The following MYPN variants were observed in gnomAD, a reference collection of about 807,000 sequenced individuals.
MYPN encodes myopalladin.
Under a neutral mutation model 129.4 loss-of-function variants are expected in MYPN, and 63 were observed. The ratio of observed to expected loss-of-function variants is 0.49; its 90% CI spans 0.40 to 0.60. The LOEUF (loss-of-function observed/expected upper bound fraction) is 0.60, where lower values mean the gene tolerates loss of function less well. Among genes scored for constraint, MYPN ranks in the 20% least tolerant of loss-of-function variants. The probability of loss-of-function intolerance (pLI) is 0.00; values close to 1 mark genes in which losing one functional copy is unlikely to be tolerated. For synonymous variants in MYPN, 629 were observed against 600.9 expected (o/e 1.05, Z -0.68); for missense variants, 1,596 against 1,635.4 (o/e 0.98, Z 0.42).
chr10:68,114,223 C>A (rs1028523074), intron 1 of MYPN: 1 of 152,088 alleles, frequency 6.6e-6, no homozygotes, highest in African/African-American at 2.4e-5. Flanking sequence ...CCATGTATTT[C>A]CAACAACAGG....
intron 12 of MYPN, among the ~76,000 whole-genome samples, chr10:68,182,888 AT>A (rs978244589): frequency 2.0e-5 from 3 of 152,152 alleles, no homozygotes; most frequent in African/African-American, 7.2e-5. Flanking sequence ...AAGATAATAA[AT>A]TTATAGCCAA....
At chr10:68,103,004 A>G (rs2041989306), upstream of MYPN, among the ~76,000 whole-genome samples, 1 of 152,236 alleles carries the variant, frequency 6.6e-6, no homozygotes, top group Non-Finnish European at 1.5e-5. Flanking sequence ...TGAACCATGA[A>G]TCTTTGTTTG....
intron 9 of MYPN, among the ~76,000 whole-genome samples, chr10:68,166,025 G>A (rs1167473762): frequency 2.6e-5 from 4 of 152,120 alleles, no homozygotes; most frequent in Non-Finnish European, 5.9e-5. Flanking sequence ...TTAACCTGCT[G>A]TCATCACTAT....
chr10:68,177,701 C>A (rs1005957176), intron 12 of MYPN, among the ~76,000 whole-genome samples: 3 of 152,124 alleles, frequency 2.0e-5, no homozygotes, highest in African/African-American at 4.8e-5. Flanking sequence ...TATGAAGAGA[C>A]CCCTGTGTAT....
rs115935274 is a variant in MYPN at position 68,152,392 on chromosome 10, G to A, written c.1317+2281G>A. 8.4e-3 allele frequency among the ~76,000 whole-genome samples: 1,277 copies of A among 152,078 alleles called. 20 individuals are homozygous for A. The highest frequency in any genetic ancestry group is 0.029 in the African/African-American group (1,218 of 41,482). On this transcript the variant is annotated intron_variant, in intron 6 of 19. Coordinates refer to ENST00000358913, the MANE Select transcript of MYPN (RefSeq NM_032578.4). Reference sequence around the variant, plus strand: ...AGGAGGGGTCCATTCAGATGGTAGGGGGCAGGCAGGGGAGGGTGCAGAGCG... The same window carrying A: ...AGGAGGGGTCCATTCAGATGGTAGGAGGCAGGCAGGGGAGGGTGCAGAGCG...
chr10:68,118,922 G>GAAGGAAGGAAGGAAGC (rs2042198963), intron 1 of MYPN, among the ~76,000 whole-genome samples: 1 of 142,090 alleles, frequency 7.0e-6, no homozygotes, highest in Admixed American at 7.0e-5. Context: ...AGGAAGGAAG[G>GAAGGAAGGAAGGAAGC]AAGGAAATTT....
At position 68,122,196 on chromosome 10, in the gene MYPN, G is replaced by T. The variant is rs760197836; in HGVS notation, c.758G>T (p.Gly253Val). The T allele has an allele frequency of 6.2e-7, 1 of 1,608,992 alleles. No individual in the cohort carries two copies. Among genetic ancestry groups the T allele is most frequent in the African/African-American group, 1.3e-5 (1 of 74,686 alleles). Residue 253 changes from glycine to valine, a missense_variant, in exon 2 of 20, where the codon GGG becomes GTG. Gly to Val is a moderately radical substitution (Grantham distance 109, BLOSUM62 -3). Coordinates refer to ENST00000358913, the MANE Select transcript of MYPN (RefSeq NM_032578.4). ...SEAAGGDTTPGSSPSSLYYEE... is the reference protein window; with the variant it reads ...SEAAGGDTTPVSSPSSLYYEE... ...GCGGCTGGTGGAGACACTACACCAG[G>T]GTCTTCCCCTTCATCTCTGTACTAT... is the stretch of plus-strand genomic sequence containing the variant.
chr10:68,210,226 C>T, intron 19 of MYPN, 60 bp from the exon 20 acceptor site: 1 of 1,583,298 alleles, frequency 6.3e-7, no homozygotes, highest in Non-Finnish European at 8.7e-7. Context: ...TGCACCTCTG[C>T]AGCGTACATG....
intron 1 of MYPN, among the ~76,000 whole-genome samples, chr10:68,115,454 A>T (rs2042144052): frequency 6.6e-6 from 1 of 152,012 alleles, no homozygotes. Context: ...CCCACTTTTA[A>T]TCCATCAGCA....
chr10:68,204,560 A>G (rs61854761), intron 18 of MYPN, among the ~76,000 whole-genome samples: 7,636 of 151,982 alleles, frequency 0.05, 315 homozygotes, highest in Middle Eastern at 0.088. Flanking sequence ...TGTCTCTACT[A>G]TACAAAAATT....
intron 2 of MYPN, among the ~76,000 whole-genome samples, chr10:68,133,928 G>A (rs2042447776): frequency 6.6e-6 from 1 of 151,730 alleles, no homozygotes; most frequent in Non-Finnish European, 1.5e-5. Context: ...ATATCCCCCT[G>A]TAATCAGAGC....
intron 10 of MYPN, among the ~76,000 whole-genome samples, chr10:68,171,632 G>T (rs2043145892): frequency 6.6e-6 from 1 of 152,214 alleles, no homozygotes; most frequent in Non-Finnish European, 1.5e-5. Context: ...GGTGCCTAAA[G>T]CAGCAAGGTT....
intron 2 of MYPN, chr10:68,136,205 C>T (rs571862679): frequency 4.9e-4 from 484 of 985,994 alleles, no homozygotes; most frequent in Middle Eastern, 2.1e-3. Context: ...CTTCTTTCTT[C>T]CCAGGCTTGC....
intron 2 of MYPN, among the ~76,000 whole-genome samples, chr10:68,138,993 C>A (rs2042530795): frequency 6.6e-6 from 1 of 152,158 alleles, no homozygotes; most frequent in East Asian, 1.9e-4. Flanking sequence ...ATTTGTGTAA[C>A]TTCTCCTAAA....
At position 68,210,597 on chromosome 10, in the gene MYPN, CA is replaced by C. The variant is rs2043896689; in HGVS notation, c.*143del. 1 of 944,646 alleles carries C rather than the reference CA, an allele frequency of 1.1e-6. No homozygotes were observed. The highest frequency in any genetic ancestry group is 1.7e-6 in the Non-Finnish European group (1 of 592,456). 58.5% of individuals were successfully genotyped at this position (944,646 alleles called of 1,614,324 possible). ...GTGGCAAAGAGTGCTTTGAATAAGTCAGCTAGGGATTCTTGCAGTCTCAGCT... is the reference window on the plus strand; with the variant it reads ...GTGGCAAAGAGTGCTTTGAATAAGTCGCTAGGGATTCTTGCAGTCTCAGCT... On this transcript the variant is annotated 3_prime_UTR_variant, in exon 20 of 20. Transcript: ENST00000358913.
chr10:68,210,497 G>A lies in MYPN; in HGVS notation c.*42G>A. The A allele has an allele frequency of 6.2e-7, 1 of 1,610,188 alleles. No individual in the cohort carries two copies. The highest frequency in any genetic ancestry group is 8.5e-7 in the Non-Finnish European group (1 of 1,178,388). On this transcript the variant is annotated 3_prime_UTR_variant, in exon 20 of 20. Coordinates refer to ENST00000358913, the MANE Select transcript of MYPN (RefSeq NM_032578.4). ...GCTGTGTAAGAGAGCGGACTGTGGAGGGGGAATGAGAACAAGCCAGACTTG... is the reference window on the plus strand; with the variant it reads ...GCTGTGTAAGAGAGCGGACTGTGGAAGGGGAATGAGAACAAGCCAGACTTG...
chr10:68,152,859 A>G (rs893821737), intron 6 of MYPN, among the ~76,000 whole-genome samples: 1 of 151,902 alleles, frequency 6.6e-6, no homozygotes, highest in African/African-American at 2.4e-5. Flanking sequence ...GCTGGTCTAA[A>G]ACTCCTGACC....
At chr10:68,173,995 A>G in intron 10 of MYPN, 71 bp from the exon 11 acceptor site, 1 of 1,243,932 alleles carries the variant, frequency 8.0e-7, no homozygotes. Flanking sequence ...AGTCTGTCTG[A>G]ACATTGTTTG....
intron 16 of MYPN, 40 bp downstream of exon 16, chr10:68,197,518 T>A: frequency 6.2e-7 from 1 of 1,611,292 alleles, no homozygotes; most frequent in Non-Finnish European, 8.5e-7. Flanking sequence ...GATCTGTTCA[T>A]ATTTTGTATT....
Sources: allele counts gnomAD v4.1 joint callset (sites outside exome capture counted in the v4.1 genomes callset), GRCh38; gene constraint gnomAD v4.1.1; transcripts MANE v1.5; gene names NCBI Gene and HGNC (gene_info 2026-07-23, HGNC 2026-07-21).